CDC16: variants seen among roughly 807,000 people sequenced by gnomAD.
CDC16 encodes the protein cell division cycle 16.
Under a neutral mutation model 87.0 loss-of-function variants are expected in CDC16, and 34 were observed. The ratio of observed to expected loss-of-function variants is 0.39; its 90% CI spans 0.30 to 0.52. The LOEUF (loss-of-function observed/expected upper bound fraction) is 0.52. Ranked by LOEUF, CDC16 falls within the 20% of genes least tolerant of loss-of-function variation. CDC16 has a pLI of 0.74. For missense variants in CDC16, 653 were observed against 751.9 expected (o/e 0.87, Z 1.54); for synonymous variants, 263 against 260.6 (o/e 1.01, Z -0.09).
At chr13:114,265,071 A>G in intron 16 of CDC16, 79 bp from the exon 17 acceptor site, 1 of 1,047,980 alleles carries the variant, frequency 9.5e-7, no homozygotes, top group Admixed American at 1.7e-5. Context: ...GATGCCCTGG[A>G]ATATTTTGAA....
rs767128404 is a variant in CDC16, at chr13:114,242,176, G to A, written c.437G>A (p.Arg146Gln). The A allele has an allele frequency of 4.6e-5, 74 of 1,613,770 alleles. No individual in the cohort carries two copies. Among genetic ancestry groups the A allele is most frequent in the Non-Finnish European group, 5.7e-5 (67 of 1,179,974 alleles). The change falls in exon 6 of 18, where the codon CGA (arginine) becomes CAA (glutamine). Residue 146 changes from arginine (R) to glutamine (Q), a missense_variant. By Grantham distance (43) the Arg-to-Gln change is conservative (BLOSUM62 1). Coordinates refer to ENST00000356221, the MANE Select transcript of CDC16 (RefSeq NM_001078645.3). Reference protein sequence around the residue: ...RGKIYDALDNRTLATYSYKEA... With the variant: ...RGKIYDALDNQTLATYSYKEA... ...AAAATCTATGATGCTCTAGATAACC[G>A]AACCCTGGCTACCTACAGCTACAAA...
At chr13:114,253,480 A>G (rs1292705497) in intron 12 of CDC16, among the ~76,000 whole-genome samples, 1 of 152,056 alleles carries the variant, frequency 6.6e-6, no homozygotes, top group Non-Finnish European at 1.5e-5. Flanking sequence ...ACTTGAGGTC[A>G]GGAGTTCAAG....
At chr13:114,239,813 A>C (rs2081453368) in intron 5 of CDC16, among the ~76,000 whole-genome samples, 1 of 152,150 alleles carries the variant, frequency 6.6e-6, no homozygotes, top group Non-Finnish European at 1.5e-5. Flanking sequence ...TTGGACCTAC[A>C]CCAAGAAACT....
chr13:114,266,658 C>T (rs1285796631), intron 17 of CDC16, among the ~76,000 whole-genome samples: 3 of 151,990 alleles, frequency 2.0e-5, no homozygotes, highest in Non-Finnish European at 4.4e-5. Context: ...GTGTTGGGTT[C>T]TAACCCTATA....
At position 114,239,001 on chromosome 13, in the gene CDC16, A is replaced by G. The variant is rs142945203; in HGVS notation, c.213A>G (p.Ala71=). ...AATTTCTTTCCTAGTTGTATGAAGC[A>G]TGTCGTTACCTTGCAGCTAGGTGCC... is the stretch of plus-strand genomic sequence containing the variant. ...RSRKLDKLYE[A]CRYLAARCHY... is the part of the protein sequence containing the mutation. The change falls in exon 4 of 18, where the codon GCA becomes GCG. Residue 71 remains alanine (A), a synonymous_variant. Coordinates refer to ENST00000356221, the MANE Select transcript of CDC16 (RefSeq NM_001078645.3). 27 of 1,611,772 alleles carry G rather than the reference A, an allele frequency of 1.7e-5. No individual in the cohort carries two copies. Among genetic ancestry groups the G allele is most frequent in the Non-Finnish European group, 2.3e-5 (27 of 1,178,704 alleles).
intron 12 of CDC16, among the ~76,000 whole-genome samples, chr13:114,252,016 G>A (rs2082211514): frequency 6.8e-6 from 1 of 146,272 alleles, no homozygotes; most frequent in African/African-American, 2.6e-5. Context: ...TGTTGGATAA[G>A]AGCCTTACAC....
intron 11 of CDC16, among the ~76,000 whole-genome samples, chr13:114,247,508 G>A (rs2081938252): frequency 6.6e-6 from 1 of 151,722 alleles, no homozygotes; most frequent in Non-Finnish European, 1.5e-5. Context: ...TTTATAAGAT[G>A]CCATGGGGAG....
chr13:114,267,342 C>CA (rs112712900), intron 17 of CDC16, among the ~76,000 whole-genome samples: 44,570 of 150,312 alleles, frequency 0.3, 7,721 homozygotes, highest in African/African-American at 0.49. Context: ...CAAAACAATA[C>CA]AAAAAAAAAC....
At chr13:114,264,629 T>C (rs1040030453) in intron 16 of CDC16, among the ~76,000 whole-genome samples, 4 of 152,112 alleles carry the variant, frequency 2.6e-5, no homozygotes, top group African/African-American at 9.7e-5. Context: ...TTTTTTCTTT[T>C]GAGATAGTAT....
At chr13:114,236,917 T>A in intron 3 of CDC16, 21 bp downstream of exon 3, 2 of 1,482,000 alleles carry the variant, frequency 1.3e-6, no homozygotes, top group South Asian at 2.5e-5. Context: ...GTATGAACTT[T>A]AAAGCTCTTC....
At position 114,265,298 on chromosome 13, in the gene CDC16, C is replaced by A; in HGVS notation, c.1603+58C>A. ...CTCCATTTTTTAGGTTGTCATATGTCTCTGTTTATGTTTCTCATATTCTCG... is the reference window on the plus strand; with the variant it reads ...CTCCATTTTTTAGGTTGTCATATGTATCTGTTTATGTTTCTCATATTCTCG... On this transcript the variant is annotated intron_variant, in intron 17 of 17. Transcript: ENST00000356221. 3.7e-6 allele frequency: 4 copies of A among 1,070,368 alleles called. No individual in the cohort carries two copies. In the South Asian group the frequency reaches 3.8e-5, roughly 10 times the overall value. 66.3% of individuals were successfully genotyped at this position (1,070,368 alleles called of 1,614,324 possible). A position where few individuals can be genotyped will look rare whatever the true frequency, so the allele number is the denominator to read the frequency against.
chr13:114,269,049 C>CGTGTTATTTTTA (rs1432711442), intron 17 of CDC16, among the ~76,000 whole-genome samples: 1 of 151,472 alleles, frequency 6.6e-6, no homozygotes. Flanking sequence ...AAAACCTCAA[C>CGTGTTATTTTTA]CAACAACGTG....
chr13:114,252,543 T>A (rs559152587), intron 12 of CDC16, among the ~76,000 whole-genome samples: 1 of 152,256 alleles, frequency 6.6e-6, no homozygotes, highest in African/African-American at 2.4e-5. Context: ...GGTCTCTCCA[T>A]CCTGTTCACC....
chr13:114,266,156 A>C (rs1325610214), intron 17 of CDC16, among the ~76,000 whole-genome samples: 1 of 152,198 alleles, frequency 6.6e-6, no homozygotes, highest in Admixed American at 6.5e-5. Flanking sequence ...CCCCAAAGTC[A>C]AAAAGATCAG....
chr13:114,261,861 G>T, intron 14 of CDC16, 26 bp from the exon 15 acceptor site: 1 of 1,546,238 alleles, frequency 6.5e-7, no homozygotes, highest in Non-Finnish European at 8.8e-7. Context: ...TATATAACTC[G>T]TGGGCTTGAT....
At chr13:114,243,227 G>A (rs771222277) in intron 6 of CDC16, 30 bp from the exon 7 acceptor site, 2 of 956,846 alleles carry the variant, frequency 2.1e-6, no homozygotes, top group Non-Finnish European at 3.4e-6. Flanking sequence ...ATATTATGAG[G>A]ATATTCTTTT....
chr13:114,260,492 GA>G (rs1020010891), intron 14 of CDC16, among the ~76,000 whole-genome samples: 1 of 152,160 alleles, frequency 6.6e-6, no homozygotes, highest in Non-Finnish European at 1.5e-5. Flanking sequence ...CAGACCAACT[GA>G]ATCAAAATCT....
rs1228301756 is a variant in CDC16 at position 114,250,602 on chromosome 13, A to T, written c.1025A>T (p.His342Leu). 1.2e-6 allele frequency: 2 copies of T among 1,614,002 alleles called. No individual in the cohort carries two copies. The highest frequency in any genetic ancestry group is 1.7e-5 in the Admixed American group (1 of 59,992). The change falls in exon 12 of 18, where the codon CAT becomes CTT. Residue 342 changes from histidine (H) to leucine (L), a missense_variant. Physicochemically the swap from His to Leu is moderately conservative, Grantham distance 99. Coordinates refer to ENST00000356221, the MANE Select transcript of CDC16 (RefSeq NM_001078645.3). Reference sequence around the variant, plus strand: ...GGACCTGCATGGATAGCCTATGGACATTCATTTGCGGTGGAGAGTGAGCAC... The same window carrying T: ...GGACCTGCATGGATAGCCTATGGACTTTCATTTGCGGTGGAGAGTGAGCAC... The part of the protein sequence containing the change: ...TYGPAWIAYG[H>L]SFAVESEHDQ...
chr13:114,247,580 A>G (rs78677835), intron 11 of CDC16, among the ~76,000 whole-genome samples: 2,642 of 152,206 alleles, frequency 0.017, 50 homozygotes, highest in African/African-American at 0.046. Flanking sequence ...TATTTTATTT[A>G]TTAATGAGAA....
Sources: gnomAD v4.1 joint callset for allele counts (sites outside exome capture counted in the v4.1 genomes callset) on GRCh38, gnomAD v4.1.1 for gene constraint, MANE v1.5 for transcripts, NCBI Gene and HGNC (gene_info 2026-07-23, HGNC 2026-07-21) for gene names.